PHAF1: variants seen among roughly 807,000 people sequenced by gnomAD.
PHAF1 encodes the protein phagophore assembly factor 1, also known as phagosome assembly factor 1.
In PHAF1, 23 loss-of-function variants were observed where a neutral mutation model predicts 63.1. That is an observed-to-expected ratio of 0.36 (90% confidence interval 0.26 to 0.52). The LOEUF is 0.52. Among genes scored for constraint, PHAF1 ranks in the 20% least tolerant of loss-of-function variants. The pLI, the probability that PHAF1 is intolerant of heterozygous loss-of-function variation, is 0.93. For missense variants in PHAF1, 427 were observed against 517.2 expected (o/e 0.83, Z 1.69); for synonymous variants, 167 against 185.0 (o/e 0.90, Z 0.79).
intron 1 of PHAF1, among the ~76,000 whole-genome samples, chr16:67,112,310 G>C (rs1283096822): frequency 6.8e-6 from 1 of 147,750 alleles, no homozygotes; most frequent in East Asian, 2.0e-4. Flanking sequence ...TTGGGAAGCT[G>C]AGACAGGAGG....
At chr16:67,119,232 A>G (rs1038479482) in intron 1 of PHAF1, among the ~76,000 whole-genome samples, 3 of 152,246 alleles carry the variant, frequency 2.0e-5, no homozygotes, top group Admixed American at 6.5e-5. Context: ...CTGGGTCTGC[A>G]GAATTATGCA....
intron 1 of PHAF1, among the ~76,000 whole-genome samples, chr16:67,117,199 A>ATTTTTTTTTTTTTTTTTTT (rs750308105): frequency 1.9e-4 from 21 of 111,954 alleles, no homozygotes; most frequent in African/African-American, 6.0e-4. Context: ...TGCCCAGCTA[A>ATTTTTTTTTTTTTTTTTTT]TTTTTTTTTT....
intron 2 of PHAF1, among the ~76,000 whole-genome samples, chr16:67,121,797 C>T (rs749798853): frequency 7.2e-5 from 11 of 152,088 alleles, no homozygotes; most frequent in Non-Finnish European, 1.3e-4. Flanking sequence ...TCAGGCTGGT[C>T]TCGAACTCCT....
At position 67,134,630 on chromosome 16, in the gene PHAF1, C is replaced by G. The variant is rs535254969; in HGVS notation, c.661+163C>G. 8.3e-6 allele frequency: 6 copies of G among 725,856 alleles called. No individual in the cohort carries two copies. The African/African-American group carries it at 1.0e-4, about 13-fold the overall frequency. 45.0% of individuals were successfully genotyped at this position (725,856 alleles called of 1,614,324 possible). A position where few individuals can be genotyped will look rare whatever the true frequency, so the allele number is the denominator to read the frequency against. ...CAACAAAAATTTATTTCTTGCAGTTCTGGAGGCTGGGAAGTCCAAGATCAA... is the reference window on the plus strand; with the variant it reads ...CAACAAAAATTTATTTCTTGCAGTTGTGGAGGCTGGGAAGTCCAAGATCAA... On this transcript the variant is annotated intron_variant, in intron 8 of 15. Coordinates refer to ENST00000219139, the MANE Select transcript of PHAF1 (RefSeq NM_025187.5).
intron 3 of PHAF1, among the ~76,000 whole-genome samples, chr16:67,127,764 C>A (rs1248946122): frequency 6.6e-6 from 1 of 151,960 alleles, no homozygotes; most frequent in Non-Finnish European, 1.5e-5. Flanking sequence ...CCACTGCACT[C>A]CAGCCTGGGC....
chr16:67,110,399 A>G (rs967319903), intron 1 of PHAF1, among the ~76,000 whole-genome samples, 160 bp downstream of exon 1: 15 of 151,452 alleles, frequency 9.9e-5, no homozygotes, highest in Non-Finnish European at 1.9e-4. Context: ...ACCCGCTCCA[A>G]CTGGCCCGAT....
chr16:67,115,881 G>A (rs1406313056), intron 1 of PHAF1, among the ~76,000 whole-genome samples: 3 of 152,108 alleles, frequency 2.0e-5, no homozygotes, highest in South Asian at 2.1e-4. Context: ...GGCTGGGAGC[G>A]GTGGCTCATG....
At chr16:67,118,499 G>T (rs1229591748) in intron 1 of PHAF1, among the ~76,000 whole-genome samples, 1 of 151,244 alleles carries the variant, frequency 6.6e-6, no homozygotes, top group African/African-American at 2.4e-5. Flanking sequence ...ACCATGCCTG[G>T]CTAATTTTTG....
At chr16:67,119,921 C>T (rs1962906298) in intron 1 of PHAF1, among the ~76,000 whole-genome samples, 191 bp from the exon 2 acceptor site, 1 of 152,182 alleles carries the variant, frequency 6.6e-6, no homozygotes. Flanking sequence ...CAAGTATTCT[C>T]TTAGTGCTTG....
At chr16:67,146,465 A>G (rs1008714913) in intron 15 of PHAF1, 115 bp downstream of exon 15, 38 of 1,085,612 alleles carry the variant, frequency 3.5e-5, no homozygotes, top group Non-Finnish European at 5.2e-5. Flanking sequence ...GGGCAGATTC[A>G]TCCTTCTTCA....
At chr16:67,123,531 C>A (rs574456534) in intron 2 of PHAF1, among the ~76,000 whole-genome samples, 1 of 152,170 alleles carries the variant, frequency 6.6e-6, no homozygotes, top group Non-Finnish European at 1.5e-5. Flanking sequence ...GAGCCAAGAT[C>A]GTGCCACTGC....
In PHAF1 at chr16:67,110,169, C is replaced by T; in HGVS notation, c.-7C>T. On this transcript the variant is annotated 5_prime_UTR_variant, in exon 1 of 16. Coordinates refer to ENST00000219139, the MANE Select transcript of PHAF1 (RefSeq NM_025187.5). The stretch of plus-strand genomic sequence containing the variant: ...GGGAGGCCGCCCGGGCCAGGCGAGC[C>T]GAACCAATGCTGGACCTGGAGGTAG... The T allele has an allele frequency of 6.4e-7, 1 of 1,551,698 alleles. No homozygotes were observed. Among genetic ancestry groups the T allele is most frequent in the Non-Finnish European group, 8.7e-7 (1 of 1,147,428 alleles).
intron 10 of PHAF1, 73 bp from the exon 11 acceptor site, chr16:67,144,221 A>T (rs1963909406): frequency 9.2e-7 from 1 of 1,083,938 alleles, no homozygotes; most frequent in African/African-American, 1.6e-5. Context: ...CCCAAGTTGG[A>T]CATGCCTTTG....
At chr16:67,121,363 T>C in intron 2 of PHAF1, among the ~76,000 whole-genome samples, 1 of 144,796 alleles carries the variant, frequency 6.9e-6, no homozygotes. Flanking sequence ...AGCTAATTTT[T>C]TTTTTTTTTT....
chr16:67,119,937 T>C (rs1405204921), intron 1 of PHAF1, among the ~76,000 whole-genome samples, 175 bp from the exon 2 acceptor site: 1 of 152,162 alleles, frequency 6.6e-6, no homozygotes, highest in Non-Finnish European at 1.5e-5. Context: ...GCTTGCTGCT[T>C]AACATTATTG....
chr16:67,143,596 C>A (rs765739923), intron 10 of PHAF1, among the ~76,000 whole-genome samples: 7 of 152,244 alleles, frequency 4.6e-5, no homozygotes, highest in Middle Eastern at 3.4e-3. Flanking sequence ...TGTAAAGCAC[C>A]TTTATTCAGT....
chr16:67,135,603 G>A (rs1449155041), intron 8 of PHAF1: 1 of 151,938 alleles, frequency 6.6e-6, no homozygotes, highest in Non-Finnish European at 1.5e-5. Context: ...AGCCTCCCAA[G>A]TAGCTAGGAC....
At chr16:67,143,003 C>A (rs1446377011) in intron 10 of PHAF1, among the ~76,000 whole-genome samples, 2 of 152,088 alleles carry the variant, frequency 1.3e-5, no homozygotes, top group Non-Finnish European at 2.9e-5. Context: ...GGGGTAGAGT[C>A]AGAGGTTACC....
intron 2 of PHAF1, among the ~76,000 whole-genome samples, chr16:67,121,284 G>A (rs1490120248): frequency 6.6e-6 from 1 of 151,524 alleles, no homozygotes. Context: ...CCGCCTCCTG[G>A]GTTCACCCGC....
Sources: allele counts gnomAD v4.1 joint callset (sites outside exome capture counted in the v4.1 genomes callset), GRCh38; gene constraint gnomAD v4.1.1; transcripts MANE v1.5; gene names NCBI Gene and HGNC (gene_info 2026-07-23, HGNC 2026-07-21).